MAP9: variants seen among roughly 807,000 people sequenced by gnomAD.
The protein encoded by MAP9 is microtubule-associated protein 9.
Under a neutral mutation model 75.2 loss-of-function variants are expected in MAP9, and 80 were observed. The ratio of observed to expected loss-of-function variants is 1.06; its 90% CI spans 0.89 to 1.28. The LOEUF is 1.28. Among genes scored for constraint, MAP9 ranks in the 50% most tolerant of loss-of-function variants. The pLI, the probability that MAP9 is intolerant of heterozygous loss-of-function variation, is 0.00. For missense variants in MAP9, 753 were observed against 719.9 expected (o/e 1.05, Z -0.53); for synonymous variants, 235 against 237.3 (o/e 0.99, Z 0.09).
Position 155,352,585 on chromosome 4 carries a change from A to G in MAP9, c.1821+11T>C. Reference sequence around the variant, plus strand: ...GAAAAAGACGAAAGTGCATTGACAAATAATACCTACCAGCCATTTTTCATA... The same window carrying G: ...GAAAAAGACGAAAGTGCATTGACAAGTAATACCTACCAGCCATTTTTCATA... On this transcript the variant is annotated intron_variant, in intron 13 of 13. Coordinates refer to ENST00000311277, the MANE Select transcript of MAP9 (RefSeq NM_001039580.2). The G allele has an allele frequency of 1.3e-6, 2 of 1,576,732 alleles. No individual in the cohort carries two copies. The highest frequency in any genetic ancestry group is 1.7e-6 in the Non-Finnish European group (2 of 1,162,870).
chr4:155,362,354 T>C (rs1732128251), intron 5 of MAP9: 1 of 410,982 alleles, frequency 2.4e-6, no homozygotes, highest in South Asian at 6.0e-5. Flanking sequence ...TTAAAAGGGG[T>C]CACTGAAAGA....
chr4:155,371,402 T>C (rs1045143191), intron 4 of MAP9, among the ~76,000 whole-genome samples: 2 of 152,030 alleles, frequency 1.3e-5, no homozygotes, highest in Non-Finnish European at 2.9e-5. Context: ...ATATGCCAGA[T>C]ATTATCTTAG....
rs1731321743 is a variant in MAP9, at chr4:155,347,347, A to G, written c.*436T>C. ...GTTTCAGAAGGAATAATATATGCGC[A>G]CTTCCCAGCGACCCTTCATTTAAAA... On this transcript the variant is annotated 3_prime_UTR_variant, in exon 14 of 14. Transcript: ENST00000311277. 6.5e-6 allele frequency: 1 copy of G among 153,616 alleles called. No homozygotes were observed. Among genetic ancestry groups the G allele is most frequent in the Non-Finnish European group, 1.4e-5 (1 of 69,104 alleles). The allele number at this position is 153,616 out of a possible 1,614,324, so 9.5% of individuals were successfully genotyped here. A position where few individuals can be genotyped will look rare whatever the true frequency, so the allele number is the denominator to read the frequency against.
At chr4:155,354,123 C>T (rs927500880) in intron 10 of MAP9, 1 of 152,182 alleles carries the variant, frequency 6.6e-6, no homozygotes, top group Non-Finnish European at 1.5e-5. Flanking sequence ...GACAGGCACG[C>T]CCCCTGGAGG....
Position 155,368,774 on chromosome 4 carries a change from G to A in MAP9, c.520C>T (p.Pro174Ser). The A allele has an allele frequency of 6.2e-7, 1 of 1,613,300 alleles. No individual in the cohort carries two copies. The highest frequency in any genetic ancestry group is 8.5e-7 in the Non-Finnish European group (1 of 1,179,568). ...AACATACTCCTTGGCCGAGGTGATG[G>A]TTTAAAGTGATCATCTGTGTCAAGG... is the stretch of plus-strand genomic sequence containing the variant. ...NSLDTDDHFKPSPRPRSMLKK... is the reference protein window; with the variant it reads ...NSLDTDDHFKSSPRPRSMLKK... Residue 174 changes from proline to serine, a missense_variant, in exon 5 of 14, where the codon CCA becomes TCA. By Grantham distance (74) the Pro-to-Ser change is moderately conservative (BLOSUM62 -1). Coordinates refer to ENST00000311277, the MANE Select transcript of MAP9 (RefSeq NM_001039580.2).
rs1578834647 is a variant in MAP9 at position 155,353,066 on chromosome 4, G to A, written c.1543-9C>T. ...TTCCATTTTTCAAAAGCCTGAAAAA[G>A]TTCAGAATAATTTTCTTACTGTGAA... On this transcript the variant is annotated splice_polypyrimidine_tract_variant and intron_variant, in intron 11 of 13. Coordinates refer to ENST00000311277, the MANE Select transcript of MAP9 (RefSeq NM_001039580.2). 3.3e-6 allele frequency: 5 copies of A among 1,535,540 alleles called. No individual in the cohort carries two copies. The highest frequency in any genetic ancestry group is 3.5e-6 in the Non-Finnish European group (4 of 1,140,658).
At position 155,368,601 on chromosome 4, in the gene MAP9, T is replaced by C. The variant is rs1487795043; in HGVS notation, c.693A>G (p.Glu231=). ...QLEAEKKAFS[E]NLDPEDSCLT... ...TAGTGCTAACCTCAGGATCAAGGTT[T>C]TCAGAGAATGCTTTTTTCTCAGCTT... The change falls in exon 5 of 14, where the codon GAA becomes GAG. Residue 231 remains glutamate (E), a synonymous_variant. Coordinates refer to ENST00000311277, the MANE Select transcript of MAP9 (RefSeq NM_001039580.2). The C allele has an allele frequency of 6.2e-7, 1 of 1,614,048 alleles. No individual in the cohort carries two copies. The highest frequency in any genetic ancestry group is 1.1e-5 in the South Asian group (1 of 91,078).
At chr4:155,351,900 ATG>A (rs961673165) in intron 13 of MAP9, among the ~76,000 whole-genome samples, 61 of 152,108 alleles carry the variant, frequency 4.0e-4, no homozygotes, top group African/African-American at 1.3e-3. Context: ...ATTCATATGA[ATG>A]TGTTACCTAC....
Position 155,368,804 on chromosome 4 carries a change from T to C in MAP9, c.490A>G (p.Asn164Asp). The change falls in exon 5 of 14, where the codon AAC becomes GAC. Residue 164 changes from asparagine (N) to aspartate (D), a missense_variant. Coordinates refer to ENST00000311277, the MANE Select transcript of MAP9 (RefSeq NM_001039580.2). Reference protein sequence around the residue: ...SIKSTSSAENNSLDTDDHFKP... With the variant: ...SIKSTSSAENDSLDTDDHFKP... ...AAGTGATCATCTGTGTCAAGGCTGT[T>C]GTTTTCTGCTGAAAAATAAAATGCT... 6.2e-7 allele frequency: 1 copy of C among 1,600,654 alleles called. No individual in the cohort carries two copies. The highest frequency in any genetic ancestry group is 8.5e-7 in the Non-Finnish European group (1 of 1,174,858).
chr4:155,352,769 ATACATAATAAAGATTCCCTAG>A lies in MAP9; in HGVS notation c.1689-62_1689-42del, dbSNP rs750917302. 2.1e-5 allele frequency: 31 copies of A among 1,499,308 alleles called. No individual in the cohort carries two copies. In the African/African-American group the frequency reaches 4.4e-4, roughly 21 times the overall value. The allele number at this position is 1,499,308 out of a possible 1,614,324, so 92.9% of individuals were successfully genotyped here. A position where few individuals can be genotyped will look rare whatever the true frequency, so the allele number is the denominator to read the frequency against. On this transcript the variant is annotated intron_variant, in intron 12 of 13. Coordinates refer to ENST00000311277, the MANE Select transcript of MAP9 (RefSeq NM_001039580.2). ...TAAAACACTGGAGAGTTAAAGGAAA[ATACATAATAAAGATTCCCTAG>A]TACATCTTTGACAGTAATGAAATTG... is the stretch of plus-strand genomic sequence containing the variant.
intron 5 of MAP9, among the ~76,000 whole-genome samples, chr4:155,366,797 T>G (rs186162230): frequency 6.6e-6 from 1 of 152,210 alleles, no homozygotes; most frequent in African/African-American, 2.4e-5. Flanking sequence ...ATTTAAAAAA[T>G]CAAATGTAAT....
At chr4:155,356,138 A>G (rs1168617532) in intron 8 of MAP9, among the ~76,000 whole-genome samples, 1 of 152,050 alleles carries the variant, frequency 6.6e-6, no homozygotes, top group Non-Finnish European at 1.5e-5. Flanking sequence ...GTGGTGGCAC[A>G]TGCCTGTAGT....
chr4:155,375,101 C>T, intron 2 of MAP9, 80 bp from the exon 3 acceptor site: 1 of 1,009,420 alleles, frequency 9.9e-7, no homozygotes, highest in Non-Finnish European at 1.5e-6. Flanking sequence ...ACAAACAATG[C>T]TTGATTAACG....
chr4:155,347,114 G>C lies in MAP9; in HGVS notation c.*669C>G, dbSNP rs576758333. ...AAATAATAAAGTGAGATAGAATTCAGAAAGAAAAATTTCAGAGGTGGACTC... is the reference window on the plus strand; with the variant it reads ...AAATAATAAAGTGAGATAGAATTCACAAAGAAAAATTTCAGAGGTGGACTC... On this transcript the variant is annotated 3_prime_UTR_variant, in exon 14 of 14. Coordinates refer to ENST00000311277, the MANE Select transcript of MAP9 (RefSeq NM_001039580.2). The C allele has an allele frequency of 7.7e-4, 117 of 152,210 alleles. No homozygotes were observed. The highest frequency in any genetic ancestry group is 2.8e-3 in the African/African-American group (116 of 41,558). The allele number at this position is 152,210 out of a possible 1,614,324, so 9.4% of individuals were successfully genotyped here. A position where few individuals can be genotyped will look rare whatever the true frequency, so the allele number is the denominator to read the frequency against.
At chr4:155,359,850 C>CA (rs1220879734) in intron 7 of MAP9, among the ~76,000 whole-genome samples, 1 of 151,912 alleles carries the variant, frequency 6.6e-6, no homozygotes, top group African/African-American at 2.4e-5. Context: ...TTATTCCAGA[C>CA]AGTTATATTT....
Position 155,342,706 on chromosome 4 carries a change from T to C in MAP9, c.*5077A>G, listed in dbSNP as rs191995057. 6.6e-5 allele frequency: 10 copies of C among 152,206 alleles called. No individual in the cohort carries two copies. The highest frequency in any genetic ancestry group is 1.3e-4 in the Non-Finnish European group (9 of 67,976). 9.4% of individuals were successfully genotyped at this position (152,206 alleles called of 1,614,324 possible). ...TTTATCAACAGCAACGATATGACAT[T>C]ACAAAGTGACCCGTGACATCTTTTT... On this transcript the variant is annotated 3_prime_UTR_variant, in exon 14 of 14. Transcript: ENST00000311277.
Position 155,352,580 on chromosome 4 carries a change from G to T in MAP9, c.1821+16C>A. ...TACATGAAAAAGACGAAAGTGCATT[G>T]ACAAATAATACCTACCAGCCATTTT... is the stretch of plus-strand genomic sequence containing the variant. On this transcript the variant is annotated intron_variant, in intron 13 of 13. Transcript: ENST00000311277. 2 of 1,560,898 alleles carry T rather than the reference G, an allele frequency of 1.3e-6. No individual in the cohort carries two copies. Among genetic ancestry groups the T allele is most frequent in the Non-Finnish European group, 8.7e-7 (1 of 1,152,526 alleles).
intron 4 of MAP9, among the ~76,000 whole-genome samples, chr4:155,372,774 C>T (rs1439434952): frequency 6.6e-6 from 1 of 152,128 alleles, no homozygotes; most frequent in African/African-American, 2.4e-5. Context: ...AGGGATTAGA[C>T]AGCATTCCAT....
intron 13 of MAP9, chr4:155,349,911 A>C (rs1235709572): frequency 6.1e-6 from 1 of 162,816 alleles, no homozygotes; most frequent in East Asian, 1.8e-4. Flanking sequence ...ATAGACAATT[A>C]TATTAACTGT....
Sources: allele counts gnomAD v4.1 joint callset (sites outside exome capture counted in the v4.1 genomes callset), GRCh38; gene constraint gnomAD v4.1.1; transcripts MANE v1.5; gene names NCBI Gene and HGNC (gene_info 2026-07-23, HGNC 2026-07-21).